RAB23: variants seen among roughly 807,000 people sequenced by gnomAD.
RAB23 encodes the protein ras-related protein Rab-23.
Under a neutral mutation model 30.0 loss-of-function variants are expected in RAB23, and 15 were observed. The observed-to-expected ratio is 0.50, with a 90% CI of 0.33 to 0.77. The LOEUF is 0.77. RAB23 is among the 30% of genes least tolerant of loss of function. RAB23 has a pLI of 0.02. For synonymous variants in RAB23, 93 were observed against 94.0 expected (o/e 0.99, Z 0.06); for missense variants, 243 against 275.4 (o/e 0.88, Z 0.83).
intron 3 of RAB23, among the ~76,000 whole-genome samples, chr6:57,202,920 A>G (rs1293223969): frequency 6.6e-6 from 1 of 151,966 alleles, no homozygotes; most frequent in African/African-American, 2.4e-5. Context: ...AGACGCTGAA[A>G]CTGAGGACCT....
intron 4 of RAB23, 42 bp from the exon 5 acceptor site, chr6:57,194,894 T>C: frequency 7.0e-7 from 1 of 1,436,226 alleles, no homozygotes; most frequent in Non-Finnish European, 9.8e-7. Context: ...AAAGGTGCCT[T>C]CTGATAGCTT....
At chr6:57,211,877 A>T (rs1765670112) in intron 1 of RAB23, among the ~76,000 whole-genome samples, 1 of 152,224 alleles carries the variant, frequency 6.6e-6, no homozygotes, top group African/African-American at 2.4e-5. Context: ...AACTACTTTA[A>T]CTGAAAATCC....
At chr6:57,194,025 A>T in intron 5 of RAB23, 91 bp from the exon 6 acceptor site, 3 of 1,507,332 alleles carry the variant, frequency 2.0e-6, no homozygotes, top group Non-Finnish European at 2.7e-6. Context: ...TATACTTACT[A>T]AACAAATTTA....
intron 3 of RAB23, among the ~76,000 whole-genome samples, chr6:57,207,244 A>C (rs996893236): frequency 1.3e-5 from 2 of 152,226 alleles, no homozygotes; most frequent in Admixed American, 6.5e-5. Context: ...AGGCTTTACC[A>C]TGTGACTTCA....
In RAB23 at chr6:57,187,895, C is replaced by CAGAT. The variant is rs1457097941; in HGVS notation, c.*2562_*2565dup. The CAGAT allele has an allele frequency of 3.3e-5, 5 of 151,904 alleles. No individual in the cohort carries two copies. Among genetic ancestry groups the CAGAT allele is most frequent in the African/African-American group, 9.7e-5 (4 of 41,306 alleles). 9.4% of individuals were successfully genotyped at this position (151,904 alleles called of 1,614,324 possible). A position where few individuals can be genotyped will look rare whatever the true frequency, so the allele number is the denominator to read the frequency against. The stretch of plus-strand genomic sequence containing the variant: ...AGTAACGTGTGCTATCAACTTTGGG[C>CAGAT]AGATACAAAGGAAATCATTTAACCT... On this transcript the variant is annotated 3_prime_UTR_variant, in exon 7 of 7. Coordinates refer to ENST00000468148, the MANE Select transcript of RAB23 (RefSeq NM_016277.5).
chr6:57,219,225 T>A (rs1156495167), intron 1 of RAB23, among the ~76,000 whole-genome samples: 2 of 152,210 alleles, frequency 1.3e-5, no homozygotes, highest in Non-Finnish European at 1.5e-5. Context: ...TTTTTTAGAA[T>A]GAGATTTACA....
chr6:57,200,195 T>C (rs1172868400), intron 3 of RAB23, among the ~76,000 whole-genome samples: 1 of 151,970 alleles, frequency 6.6e-6, no homozygotes, highest in Non-Finnish European at 1.5e-5. Flanking sequence ...TCAAGAATTT[T>C]TTTTTTTTTT....
chr6:57,193,577 T>C (rs1225713271), intron 6 of RAB23, among the ~76,000 whole-genome samples: 1 of 152,202 alleles, frequency 6.6e-6, no homozygotes, highest in African/African-American at 2.4e-5. Context: ...ATAACTGTTA[T>C]AAAGTTCCTT....
intron 3 of RAB23, among the ~76,000 whole-genome samples, chr6:57,205,262 A>G (rs868105893): frequency 6.6e-6 from 1 of 152,124 alleles, no homozygotes; most frequent in Middle Eastern, 3.4e-3. Flanking sequence ...GTATATATAT[A>G]TAAAAATAAA....
intron 1 of RAB23, among the ~76,000 whole-genome samples, chr6:57,211,796 G>GA (rs1257710672): frequency 6.6e-6 from 1 of 152,210 alleles, no homozygotes; most frequent in Non-Finnish European, 1.5e-5. Flanking sequence ...GAAAAGAACA[G>GA]AAAGTCAATT....
intron 1 of RAB23, among the ~76,000 whole-genome samples, chr6:57,219,442 C>T (rs563019401): frequency 1.1e-4 from 16 of 152,250 alleles, no homozygotes; most frequent in Non-Finnish European, 2.2e-4. Flanking sequence ...AATCAAAGCA[C>T]CAGCCAAATT....
At chr6:57,195,782 A>G (rs1257955426) in intron 4 of RAB23, among the ~76,000 whole-genome samples, 1 of 152,216 alleles carries the variant, frequency 6.6e-6, no homozygotes, top group Non-Finnish European at 1.5e-5. Flanking sequence ...CAGCTTCATG[A>G]AAAACCACCA....
chr6:57,191,982 T>C (rs893460371), intron 6 of RAB23, among the ~76,000 whole-genome samples: 3 of 152,070 alleles, frequency 2.0e-5, no homozygotes, highest in African/African-American at 7.2e-5. Context: ...TAACTGGGAC[T>C]ACAGGCACAG....
intron 4 of RAB23, among the ~76,000 whole-genome samples, chr6:57,195,773 A>T (rs1040469820): frequency 1.2e-4 from 19 of 152,242 alleles, no homozygotes; most frequent in Non-Finnish European, 2.9e-5. Context: ...TCTCAACTGC[A>T]GCTTCATGAA....
chr6:57,215,808 A>C (rs570773128), intron 1 of RAB23, among the ~76,000 whole-genome samples: 1 of 152,366 alleles, frequency 6.6e-6, no homozygotes, highest in Admixed American at 6.5e-5. Context: ...AAAATTATAA[A>C]ACTGTCCAAT....
chr6:57,210,145 A>G, intron 2 of RAB23, 81 bp downstream of exon 2: 1 of 1,473,032 alleles, frequency 6.8e-7, no homozygotes, highest in South Asian at 1.1e-5. Flanking sequence ...AATCCACTGC[A>G]ATCAGTTAAC....
chr6:57,194,863 A>G lies in RAB23; in HGVS notation c.399-11T>C, dbSNP rs758254393. 2 of 1,608,298 alleles carry G rather than the reference A, an allele frequency of 1.2e-6. No homozygotes were observed. The highest frequency in any genetic ancestry group is 2.2e-5 in the South Asian group (2 of 90,844). On this transcript the variant is annotated splice_polypyrimidine_tract_variant and intron_variant, in intron 4 of 6. Coordinates refer to ENST00000468148, the MANE Select transcript of RAB23 (RefSeq NM_016277.5). ...GCCTCAGCTTCCTCACTGCACATCA[A>G]TTTAAAAAAAAATGCTTTACAAAGG... is the stretch of plus-strand genomic sequence containing the variant.
At chr6:57,216,351 T>C (rs1765836192) in intron 1 of RAB23, among the ~76,000 whole-genome samples, 1 of 152,180 alleles carries the variant, frequency 6.6e-6, no homozygotes, top group Non-Finnish European at 1.5e-5. Flanking sequence ...TACAAGCAGG[T>C]ACTCTCAAAA....
At chr6:57,219,930 C>T (rs1442675482) in intron 1 of RAB23, among the ~76,000 whole-genome samples, 1 of 152,102 alleles carries the variant, frequency 6.6e-6, no homozygotes, top group Non-Finnish European at 1.5e-5. Flanking sequence ...TACTGGACTT[C>T]ACCAAAATTA....
Sources: gnomAD v4.1 joint callset for allele counts (sites outside exome capture counted in the v4.1 genomes callset) on GRCh38, gnomAD v4.1.1 for gene constraint, MANE v1.5 for transcripts, NCBI Gene and HGNC (gene_info 2026-07-23, HGNC 2026-07-21) for gene names.